Variants in NCKAP5 observed in about 807,000 individuals in gnomAD.
NCKAP5 encodes NCK associated protein 5.
Under a neutral mutation model 167.0 loss-of-function variants are expected in NCKAP5, and 92 were observed. That is an observed-to-expected ratio of 0.55 (90% confidence interval 0.47 to 0.66). NCKAP5 has a LOEUF of 0.66. Among genes scored for constraint, NCKAP5 ranks in the 30% least tolerant of loss-of-function variants. The probability of loss-of-function intolerance (pLI) is 0.00; values close to 1 mark genes in which losing one functional copy is unlikely to be tolerated. For missense variants in NCKAP5, 2,378 were observed against 2,315.0 expected, an observed-to-expected ratio of 1.03 and a Z score of -0.56; for synonymous variants, 891 against 877.4, an observed-to-expected ratio of 1.02 and a Z score of -0.27.
At chr2:133,307,836 G>A (rs1015913095) in intron 3 of NCKAP5, among the ~76,000 whole-genome samples, 1 of 151,906 alleles carries the variant, frequency 6.6e-6, no homozygotes, top group Non-Finnish European at 1.5e-5. Context: ...TAATACCTGA[G>A]CAAAGAATAA....
chr2:133,356,514 A>G (rs1684727263), intron 3 of NCKAP5, among the ~76,000 whole-genome samples: 1 of 152,228 alleles, frequency 6.6e-6, no homozygotes, highest in South Asian at 2.1e-4. Context: ...CATGATGTTG[A>G]AAACTGAACT....
Position 133,108,368 on chromosome 2 carries a change from C to T in NCKAP5, c.341+21610G>A, listed in dbSNP as rs74322414. Among the ~76,000 whole-genome samples, 1,333 of 152,264 alleles carry T rather than the reference C, an allele frequency of 8.8e-3. 9 individuals are homozygous for T. The highest frequency in any genetic ancestry group is 0.014 in the Non-Finnish European group (983 of 68,016). ...CTCTCTTTTTAATAACAGTCTTCCA[C>T]GGAGTCCCTTGAGAGACTAAGAACC... On this transcript the variant is annotated intron_variant, in intron 6 of 19. Transcript: ENST00000409261.
At chr2:132,844,074 G>A (rs967015567) in intron 11 of NCKAP5, among the ~76,000 whole-genome samples, 1 of 151,998 alleles carries the variant, frequency 6.6e-6, no homozygotes, top group African/African-American at 2.4e-5. Context: ...TTTTACTGAG[G>A]ATAGTTTGGC....
At chr2:133,385,929 T>C (rs1441333962) in intron 3 of NCKAP5, among the ~76,000 whole-genome samples, 3 of 150,650 alleles carry the variant, frequency 2.0e-5, no homozygotes, top group African/African-American at 7.3e-5. Flanking sequence ...TATTTGATTC[T>C]TCTCTCTTTT....
At chr2:133,227,047 T>A (rs1029828479) in intron 4 of NCKAP5, among the ~76,000 whole-genome samples, 3 of 152,170 alleles carry the variant, frequency 2.0e-5, no homozygotes, top group African/African-American at 7.2e-5. Context: ...ACCAGGAGAA[T>A]CAAGGAAACC....
intron 8 of NCKAP5, among the ~76,000 whole-genome samples, chr2:132,895,221 C>T (rs924252405): frequency 6.6e-6 from 1 of 151,766 alleles, no homozygotes; most frequent in African/African-American, 2.4e-5. Context: ...GTCCCAGCTA[C>T]TCTGGAGGCT....
chr2:132,759,133 T>G (rs2104843873), intron 16 of NCKAP5, among the ~76,000 whole-genome samples: 2 of 152,258 alleles, frequency 1.3e-5, no homozygotes, highest in East Asian at 3.9e-4. Flanking sequence ...TTTTTTCCAA[T>G]CAACATTGCT....
upstream of NCKAP5, among the ~76,000 whole-genome samples, chr2:133,569,244 C>A (rs1014226502): frequency 6.6e-6 from 1 of 152,070 alleles, no homozygotes; most frequent in Non-Finnish European, 1.5e-5. Context: ...TCTCTTCTGT[C>A]CGTTGGTTCT....
chr2:133,149,797 C>A (rs553781043), intron 5 of NCKAP5, among the ~76,000 whole-genome samples: 1 of 152,074 alleles, frequency 6.6e-6, no homozygotes, highest in Non-Finnish European at 1.5e-5. Flanking sequence ...CTAGTCCATG[C>A]CCCCTACTTA....
intron 2 of NCKAP5, among the ~76,000 whole-genome samples, chr2:133,532,271 A>AC (rs1685431111): frequency 6.6e-6 from 1 of 152,174 alleles, no homozygotes; most frequent in Admixed American, 6.5e-5. Flanking sequence ...TACATTTTTT[A>AC]CCATTTTCAC....
chr2:132,699,434 C>T (rs915225368), intron 19 of NCKAP5, among the ~76,000 whole-genome samples: 2 of 152,040 alleles, frequency 1.3e-5, no homozygotes, highest in Admixed American at 1.3e-4. Flanking sequence ...CACCTGTTAA[C>T]TCGTCCTTTA....
chr2:133,209,202 C>T (rs1304978933), intron 5 of NCKAP5, among the ~76,000 whole-genome samples: 2 of 151,796 alleles, frequency 1.3e-5, no homozygotes, highest in African/African-American at 4.8e-5. Context: ...CAGAAGAGGC[C>T]TCTCAGTAAA....
chr2:132,690,093 T>C (rs1185761403), intron 19 of NCKAP5, among the ~76,000 whole-genome samples: 1 of 152,202 alleles, frequency 6.6e-6, no homozygotes, highest in Non-Finnish European at 1.5e-5. Context: ...TGTTCAATGT[T>C]ATTTTTTTAT....
rs979498129 is a variant in NCKAP5, at chr2:132,933,082, G to A, written c.579+30638C>T. Among the ~76,000 whole-genome samples, 4 of 151,856 alleles carry A rather than the reference G, an allele frequency of 2.6e-5. 1 individual carries two copies. In the South Asian group the frequency reaches 6.2e-4, roughly 24 times the overall value. On this transcript the variant is annotated intron_variant, in intron 8 of 19. Transcript: ENST00000409261. Reference sequence around the variant, plus strand: ...TGGGACTACAGGCACCTGCCACCACGCGTGGCTAATATTTTTGTATTTTTA... The same window carrying A: ...TGGGACTACAGGCACCTGCCACCACACGTGGCTAATATTTTTGTATTTTTA...
intron 3 of NCKAP5, among the ~76,000 whole-genome samples, chr2:133,456,701 GTCT>G (rs1691885685): frequency 6.6e-6 from 1 of 152,150 alleles, no homozygotes; most frequent in Non-Finnish European, 1.5e-5. Context: ...TAATACATTA[GTCT>G]GAAATTATTT....
chr2:133,529,080 C>A (rs79069219), intron 2 of NCKAP5, among the ~76,000 whole-genome samples: 2,916 of 152,292 alleles, frequency 0.019, 104 homozygotes, highest in African/African-American at 0.067. Context: ...ACAGCCCATA[C>A]CCTCCTAGTT....
At chr2:133,132,675 ATTT>A (rs35497758) in intron 5 of NCKAP5, among the ~76,000 whole-genome samples, 9,248 of 139,236 alleles carry the variant, frequency 0.066, 473 homozygotes, top group East Asian at 0.35. Flanking sequence ...TTTGTACCCA[ATTT>A]TTTTTTTTTT....
At chr2:132,908,724 C>T (rs113099511) in intron 8 of NCKAP5, among the ~76,000 whole-genome samples, 4 of 152,316 alleles carry the variant, frequency 2.6e-5, no homozygotes, top group African/African-American at 9.6e-5. Context: ...GGAATTCTGA[C>T]TGTGACAAAA....
At chr2:133,648,858 A>C in the NCKAP5 span, among the ~76,000 whole-genome samples, 1 of 151,848 alleles carries the variant, frequency 6.6e-6, no homozygotes, top group African/African-American at 2.4e-5. Context: ...TTAAAAAAAA[A>C]AAAGTCCAAC....
Sources: allele counts gnomAD v4.1 joint callset (sites outside exome capture counted in the v4.1 genomes callset), GRCh38; gene constraint gnomAD v4.1.1; transcripts MANE v1.5; gene names NCBI Gene and HGNC (gene_info 2026-07-23, HGNC 2026-07-21).